METTL15: variants seen among roughly 807,000 people sequenced by gnomAD.
METTL15 encodes 12S rRNA N(4)-cytidine methyltransferase METTL15.
In METTL15, 34 loss-of-function variants were observed where a neutral mutation model predicts 38.3. The observed-to-expected ratio is 0.89, with a 90% CI of 0.68 to 1.18. The LOEUF (loss-of-function observed/expected upper bound fraction) is 1.18. Among genes scored for constraint, METTL15 ranks in the 50% most tolerant of loss-of-function variants. The pLI is 0.00. For missense variants in METTL15, 438 were observed against 498.4 expected (o/e 0.88, Z 1.15); for synonymous variants, 162 against 170.9 (o/e 0.95, Z 0.41).
chr11:28,487,363 A>G (rs1049552913), intron 6 of METTL15, among the ~76,000 whole-genome samples: 12 of 152,310 alleles, frequency 7.9e-5, no homozygotes, highest in African/African-American at 2.4e-4. Flanking sequence ...ATCTAGACAT[A>G]AAGAATCTGA....
chr11:28,278,559 G>C (rs55655011), intron 4 of METTL15, among the ~76,000 whole-genome samples: 1 of 152,030 alleles, frequency 6.6e-6, no homozygotes, highest in African/African-American at 2.4e-5. Context: ...GTAAATCTAA[G>C]AAGAATTCTT....
chr11:28,147,608 T>C (rs1310064175), intron 3 of METTL15, among the ~76,000 whole-genome samples: 2 of 151,824 alleles, frequency 1.3e-5, no homozygotes, highest in African/African-American at 4.8e-5. Flanking sequence ...TAATCATTCC[T>C]TAGGAAATTT....
At position 28,331,919 on chromosome 11, in the gene METTL15, T is replaced by A. The variant is rs866551380; in HGVS notation, c.*1078T>A. ...AGGGGGCATGTTGATTAACCATACA[T>A]AGAAATAAATATTCTCTTAGTTATC... On this transcript the variant is annotated 3_prime_UTR_variant, in exon 7 of 7. Coordinates refer to ENST00000407364, the MANE Select transcript of METTL15 (RefSeq NM_001113528.2). The A allele has an allele frequency of 6.6e-6, 1 of 152,144 alleles. No homozygotes were observed. Among genetic ancestry groups the A allele is most frequent in the African/African-American group, 2.4e-5 (1 of 41,450 alleles). The allele number at this position is 152,144 out of a possible 1,614,324, so 9.4% of individuals were successfully genotyped here. A position where few individuals can be genotyped will look rare whatever the true frequency, so the allele number is the denominator to read the frequency against.
chr11:28,276,867 A>G (rs1855863180), intron 4 of METTL15, among the ~76,000 whole-genome samples: 1 of 152,200 alleles, frequency 6.6e-6, no homozygotes, highest in South Asian at 2.1e-4. Context: ...AGCCACATGC[A>G]GAAGAATGAA....
downstream of METTL15, among the ~76,000 whole-genome samples, chr11:28,529,534 C>T (rs981396370): frequency 7.0e-6 from 1 of 142,876 alleles, no homozygotes; most frequent in Admixed American, 7.6e-5. Context: ...CCTGATCTCT[C>T]CCTTTTCCCC....
chr11:28,326,307 G>A (rs1257177642), intron 6 of METTL15, among the ~76,000 whole-genome samples: 1 of 151,352 alleles, frequency 6.6e-6, no homozygotes. Context: ...TTTATCTTGT[G>A]TTCTTGATTA....
chr11:28,430,786 C>T (rs1488320404), intron 6 of METTL15, among the ~76,000 whole-genome samples: 95 of 103,170 alleles, frequency 9.2e-4, no homozygotes, highest in Non-Finnish European at 1.5e-3. Context: ...CGCCTCTGCC[C>T]GGCCGCCCCT....
chr11:28,317,166 C>G (rs1288702705), intron 6 of METTL15, among the ~76,000 whole-genome samples: 1 of 151,854 alleles, frequency 6.6e-6, no homozygotes, highest in Non-Finnish European at 1.5e-5. Context: ...ATCTCAACCA[C>G]CCATAGTGAG....
At chr11:28,493,496 A>T (rs897721559) in intron 6 of METTL15, among the ~76,000 whole-genome samples, 1 of 152,140 alleles carries the variant, frequency 6.6e-6, no homozygotes, top group African/African-American at 2.4e-5. Context: ...TTTCTTAACC[A>T]GTGTGCTCTA....
At chr11:28,421,306 C>T (rs1026423262) in intron 5 of METTL15, among the ~76,000 whole-genome samples, 1 of 151,956 alleles carries the variant, frequency 6.6e-6, no homozygotes, top group Non-Finnish European at 1.5e-5. Context: ...TAATATCAAT[C>T]CTACTCAAAC....
At chr11:28,368,803 C>T (rs968128610) in intron 5 of METTL15, among the ~76,000 whole-genome samples, 1 of 152,124 alleles carries the variant, frequency 6.6e-6, no homozygotes, top group Non-Finnish European at 1.5e-5. Flanking sequence ...CATGTATACA[C>T]CATGGAATAC....
At chr11:28,527,780 G>A (rs563983897), downstream of METTL15, among the ~76,000 whole-genome samples, 8 of 152,286 alleles carry the variant, frequency 5.3e-5, no homozygotes, top group East Asian at 1.4e-3. Context: ...CAAGGCAACA[G>A]ATAGGAAATA....
At chr11:28,339,341 A>G (rs1047049372) in intron 3 of METTL15, among the ~76,000 whole-genome samples, 10 of 152,114 alleles carry the variant, frequency 6.6e-5, no homozygotes, top group South Asian at 2.1e-4. Flanking sequence ...AATGCTGTAC[A>G]TAAGTTCAGG....
At chr11:28,503,611 T>C (rs1262604755) in intron 6 of METTL15, among the ~76,000 whole-genome samples, 3 of 151,502 alleles carry the variant, frequency 2.0e-5, no homozygotes, top group Non-Finnish European at 2.9e-5. Context: ...GCCAACATGG[T>C]AAAACCCCGT....
chr11:28,320,209 G>C (rs1469360092), intron 6 of METTL15, among the ~76,000 whole-genome samples: 1 of 121,344 alleles, frequency 8.2e-6, no homozygotes, highest in Non-Finnish European at 1.7e-5. Context: ...TTTGAGCTGT[G>C]AAAACAAAGG....
At position 28,175,639 on chromosome 11, in the gene METTL15, G is replaced by C. The variant is rs898952567; in HGVS notation, c.271-35423G>C. Among the ~76,000 whole-genome samples, 8 of 152,040 alleles carry C rather than the reference G, an allele frequency of 5.3e-5. 1 individual carries two copies. Among genetic ancestry groups the C allele is most frequent in the African/African-American group, 1.9e-4 (8 of 41,392 alleles). Reference sequence around the variant, plus strand: ...TGCATCTCCTCATATCTCAGTAAATGGTATGAGCACATAATTTGCCAGAGT... The same window carrying C: ...TGCATCTCCTCATATCTCAGTAAATCGTATGAGCACATAATTTGCCAGAGT... On this transcript the variant is annotated intron_variant, in intron 3 of 6. Coordinates refer to ENST00000407364, the MANE Select transcript of METTL15 (RefSeq NM_001113528.2).
intron 6 of METTL15, among the ~76,000 whole-genome samples, chr11:28,521,606 T>A (rs113543530): frequency 4.6e-5 from 7 of 152,240 alleles, no homozygotes; most frequent in African/African-American, 1.4e-4. Flanking sequence ...ATTTTTCTCC[T>A]CCCTGCTGTA....
At chr11:28,233,539 TTGTTGGGCAAG>T (rs1372021849) in intron 4 of METTL15, among the ~76,000 whole-genome samples, 1 of 152,062 alleles carries the variant, frequency 6.6e-6, no homozygotes, top group Non-Finnish European at 1.5e-5. Context: ...TAACTCTCTA[TTGTTGGGCAAG>T]TTACTCCAAG....
chr11:28,494,674 G>A (rs1027087968), intron 6 of METTL15, among the ~76,000 whole-genome samples: 2 of 152,156 alleles, frequency 1.3e-5, no homozygotes, highest in African/African-American at 2.4e-5. Context: ...ATTGTATCAC[G>A]GGGGTGGGTC....
Sources: gnomAD v4.1 joint callset for allele counts (sites outside exome capture counted in the v4.1 genomes callset) on GRCh38, gnomAD v4.1.1 for gene constraint, MANE v1.5 for transcripts, NCBI Gene and HGNC (gene_info 2026-07-23, HGNC 2026-07-21) for gene names.